SMG5: variants seen among roughly 807,000 people sequenced by gnomAD.
SMG5 encodes SMG5 nonsense mediated mRNA decay factor, also known as nonsense-mediated mRNA decay factor SMG5.
In SMG5, 53 loss-of-function variants were observed where a neutral mutation model predicts 122.9. The observed-to-expected ratio is 0.43, with a 90% CI of 0.35 to 0.54. SMG5 has a LOEUF of 0.54. Among genes scored for constraint, SMG5 ranks in the 20% least tolerant of loss-of-function variants. The probability of loss-of-function intolerance (pLI) is 0.01; values close to 1 mark genes in which losing one functional copy is unlikely to be tolerated. For missense variants in SMG5, 1,153 were observed against 1,285.6 expected (o/e 0.90, Z 1.58); for synonymous variants, 477 against 490.2 (o/e 0.97, Z 0.35).
chr1:156,263,094 G>C (rs906376191), intron 13 of SMG5, among the ~76,000 whole-genome samples: 5 of 152,116 alleles, frequency 3.3e-5, no homozygotes, highest in African/African-American at 1.2e-4. Flanking sequence ...TATCAACTTT[G>C]GTCCTTGAAC....
intron 14 of SMG5, among the ~76,000 whole-genome samples, chr1:156,261,065 C>A (rs536271021): frequency 1.3e-5 from 2 of 152,346 alleles, no homozygotes; most frequent in Admixed American, 6.5e-5. Context: ...GCAGCTAGGT[C>A]TGGCTCCCAG....
At position 156,268,101 on chromosome 1, in the gene SMG5, T is replaced by C. The variant is rs756997033; in HGVS notation, c.908+14A>G. 1 of 1,613,626 alleles carries C rather than the reference T, an allele frequency of 6.2e-7. No individual in the cohort carries two copies. The highest frequency in any genetic ancestry group is 1.1e-5 in the South Asian group (1 of 91,048). On this transcript the variant is annotated intron_variant, in intron 9 of 21. Coordinates refer to ENST00000361813, the MANE Select transcript of SMG5 (RefSeq NM_015327.3). Reference sequence around the variant, plus strand: ...CTCACAGGATAGTTCAGGTTCATGCTCTCTTCCACTCACCTGCTTTTGGGC... The same window carrying C: ...CTCACAGGATAGTTCAGGTTCATGCCCTCTTCCACTCACCTGCTTTTGGGC...
At chr1:156,252,890 C>CT (rs1661414051) in intron 18 of SMG5, 29 bp downstream of exon 18, 3 of 1,524,898 alleles carry the variant, frequency 2.0e-6, no homozygotes, top group Non-Finnish European at 1.8e-6. Context: ...TAGTCATACT[C>CT]TGTCTCCTTA....
intron 6 of SMG5, among the ~76,000 whole-genome samples, 183 bp downstream of exon 6, chr1:156,273,178 C>A (rs950796499): frequency 1.3e-5 from 2 of 152,204 alleles, no homozygotes; most frequent in South Asian, 4.1e-4. Context: ...CATTTATCTT[C>A]CCCTTCCACC....
At chr1:156,288,787 A>G in the SMG5 span, among the ~76,000 whole-genome samples, 3 of 152,158 alleles carry the variant, frequency 2.0e-5, no homozygotes, top group Admixed American at 6.5e-5. Flanking sequence ...GCAGCCTTGC[A>G]TTTTCTCCCA....
chr1:156,286,050 G>A, upstream of SMG5: 1 of 1,543,734 alleles, frequency 6.5e-7, no homozygotes, highest in Admixed American at 1.9e-5. Context: ...TGGCTGGTGT[G>A]GGGAGCAGGA....
chr1:156,261,795 C>A (rs1431859061), intron 13 of SMG5, among the ~76,000 whole-genome samples: 1 of 149,076 alleles, frequency 6.7e-6, no homozygotes, highest in African/African-American at 2.5e-5. Flanking sequence ...GAGGCTGAGG[C>A]AGGAGAATCG....
At chr1:156,251,070 G>C in intron 20 of SMG5, 74 bp from the exon 21 acceptor site, 1 of 1,565,394 alleles carries the variant, frequency 6.4e-7, no homozygotes, top group Admixed American at 1.7e-5. Flanking sequence ...GGATCTCCAG[G>C]GGACAGGGGC....
Position 156,266,032 on chromosome 1 carries a change from C to T in SMG5, c.1604G>A (p.Arg535Gln), listed in dbSNP as rs756909516. The T allele has an allele frequency of 1.8e-5, 29 of 1,614,078 alleles. No individual in the cohort carries two copies. Among genetic ancestry groups the T allele is most frequent in the Admixed American group, 8.3e-5 (5 of 60,008 alleles). ...CCGAGGGGGCTCCAGGGTTGGTGAC[C>T]GTGTCCCCTCCTCTTCCTCCATATC... ...LEDMEEEEGT[R>Q]SPTLEPPRGR... Residue 535 changes from arginine (R) to glutamine (Q), a missense_variant, in exon 12 of 22, where the codon CGG becomes CAG. Arg to Gln is a conservative substitution (Grantham distance 43). Coordinates refer to ENST00000361813, the MANE Select transcript of SMG5 (RefSeq NM_015327.3).
intron 7 of SMG5, among the ~76,000 whole-genome samples, chr1:156,268,744 G>A (rs1662271131): frequency 6.6e-6 from 1 of 152,136 alleles, no homozygotes; most frequent in Admixed American, 6.6e-5. Context: ...ACTTTATAAT[G>A]GATAGCATTT....
At chr1:156,282,833 C>T, upstream of SMG5, 2 of 728,358 alleles carry the variant, frequency 2.7e-6, no homozygotes, top group South Asian at 3.9e-5. Flanking sequence ...GACAGCTCCT[C>T]CTCCGCCTGC....
intron 7 of SMG5, among the ~76,000 whole-genome samples, chr1:156,269,639 G>GC (rs1342619982): frequency 2.0e-5 from 3 of 152,150 alleles, no homozygotes; most frequent in African/African-American, 7.2e-5. Context: ...ACTTTGGGAG[G>GC]CCAAGGCAGG....
chr1:156,267,433 C>T, intron 10 of SMG5, 37 bp downstream of exon 10: 1 of 1,600,922 alleles, frequency 6.2e-7, no homozygotes, highest in South Asian at 1.1e-5. Context: ...ATCCCCAAAG[C>T]CAGTGGAAGA....
chr1:156,269,098 G>A (rs910746847), intron 7 of SMG5, among the ~76,000 whole-genome samples: 8 of 151,924 alleles, frequency 5.3e-5, no homozygotes, highest in African/African-American at 1.7e-4. Flanking sequence ...AGTCTCCCAA[G>A]TAGCTGGGAT....
intron 16 of SMG5, among the ~76,000 whole-genome samples, chr1:156,257,503 C>A (rs529331666): frequency 2.6e-5 from 4 of 152,020 alleles, no homozygotes; most frequent in African/African-American, 9.7e-5. Context: ...GTACTCCCTA[C>A]CCCCCGACAG....
chr1:156,260,766 G>C, intron 14 of SMG5, 140 bp from the exon 15 acceptor site: 2 of 699,234 alleles, frequency 2.9e-6, no homozygotes, highest in Non-Finnish European at 4.3e-6. Flanking sequence ...GAGAGATGGA[G>C]GGAGTGAAGT....
Position 156,250,067 on chromosome 1 carries a change from A to C in SMG5, c.*520T>G. 2.5e-6 allele frequency: 1 copy of C among 397,350 alleles called. No individual in the cohort carries two copies. The highest frequency in any genetic ancestry group is 5.2e-6 in the Non-Finnish European group (1 of 191,484). The allele number at this position is 397,350 out of a possible 1,614,324, so 24.6% of individuals were successfully genotyped here. A position where few individuals can be genotyped will look rare whatever the true frequency, so the allele number is the denominator to read the frequency against. On this transcript the variant is annotated 3_prime_UTR_variant, in exon 22 of 22. Transcript: ENST00000361813. ...CTGGCTCCAGAGCTGCCTGGTCCCC[A>C]TAAAGGGGGCTGAAAGGAGGATGGG...
Position 156,266,355 on chromosome 1 carries a change from C to T in SMG5, c.1281G>A (p.Val427=), listed in dbSNP as rs770266481. ...CAGGATCTGGCTCCTCCTCTTTCTC[C>T]ACAGGTTCCTTGGACTCTGGTTCAT... The part of the protein sequence containing the change: ...GTDEPESKEP[V]EKEEEPDPEP... The change falls in exon 12 of 22, where the codon GTG becomes GTA. Residue 427 remains valine, a synonymous_variant. Coordinates refer to ENST00000361813, the MANE Select transcript of SMG5 (RefSeq NM_015327.3). The T allele has an allele frequency of 1.2e-6, 2 of 1,613,550 alleles. No individual in the cohort carries two copies. Among genetic ancestry groups the T allele is most frequent in the South Asian group, 1.1e-5 (1 of 91,060 alleles).
At chr1:156,259,196 A>G (rs748946631) in intron 15 of SMG5, 33 bp from the exon 16 acceptor site, 10 of 1,531,066 alleles carry the variant, frequency 6.5e-6, no homozygotes, top group South Asian at 1.3e-5. Flanking sequence ...AGCGCTGCTG[A>G]GCAGGGCCCT....
Sources: gnomAD v4.1 joint callset for allele counts (sites outside exome capture counted in the v4.1 genomes callset) on GRCh38, gnomAD v4.1.1 for gene constraint, MANE v1.5 for transcripts, NCBI Gene and HGNC (gene_info 2026-07-23, HGNC 2026-07-21) for gene names.